The following CCDC141 variants were observed in gnomAD, a reference collection of about 807,000 sequenced individuals.
The protein encoded by CCDC141 is coiled-coil domain containing 141.
In CCDC141, 168 loss-of-function variants were observed where a neutral mutation model predicts 181.0. The ratio of observed to expected loss-of-function variants is 0.93; its 90% confidence interval spans 0.82 to 1.05. The LOEUF (loss-of-function observed/expected upper bound fraction) is 1.05. Among genes scored for constraint, CCDC141 ranks in the 50% least tolerant of loss-of-function variants. The pLI, the probability that CCDC141 is intolerant of heterozygous loss-of-function variation, is 0.00. For missense variants in CCDC141, 1,902 were observed against 1,788.5 expected (o/e 1.06, Z -1.14); for synonymous variants, 666 against 642.3 (o/e 1.04, Z -0.56).
chr2:179,022,444 G>A (rs565629117), intron 2 of CCDC141, among the ~76,000 whole-genome samples: 3 of 152,280 alleles, frequency 2.0e-5, no homozygotes, highest in Admixed American at 1.3e-4. Context: ...AGCCAAAGCC[G>A]AGGAAAGAGG....
chr2:178,858,116 C>G (rs973949416), intron 17 of CCDC141, among the ~76,000 whole-genome samples: 1 of 151,884 alleles, frequency 6.6e-6, no homozygotes, highest in Non-Finnish European at 1.5e-5. Flanking sequence ...ACAAACTAAA[C>G]CAAGCATAGA....
intron 9 of CCDC141, among the ~76,000 whole-genome samples, chr2:178,887,796 T>A (rs188132382): frequency 3.3e-5 from 5 of 152,378 alleles, no homozygotes; most frequent in Non-Finnish European, 1.5e-5. Flanking sequence ...AAGTCCACCG[T>A]ATCAAACGAA....
chr2:178,894,546 G>T lies in CCDC141; in HGVS notation c.1266-5878C>A, dbSNP rs537420392. Among the ~76,000 whole-genome samples the T allele has an allele frequency of 3.3e-5, 5 of 151,390 alleles. No homozygotes were observed. In the South Asian group the frequency reaches 8.4e-4, roughly 25 times the overall value. On this transcript the variant is annotated intron_variant, in intron 8 of 23. Transcript: ENST00000443758. ...CCCAACACCCACAATAAAAGACCAA[G>T]AAACTTTGAAACAAAAAGTCAGAAA...
Position 178,871,532 on chromosome 2 carries a change from A to T in CCDC141, c.2100T>A (p.Leu700=). 1 of 1,613,600 alleles carries T rather than the reference A, an allele frequency of 6.2e-7. No homozygotes were observed. Among genetic ancestry groups the T allele is most frequent in the Non-Finnish European group, 8.5e-7 (1 of 1,179,800 alleles). ...QLKKTSHNLK[L]LQEALMPVSA... ...ACACAGGCATAAGTGCTTCCTGAAG[A>T]AGTTTTAAGTTGTGAGAAGTCTGAA... Residue 700 remains leucine, a synonymous_variant, in exon 14 of 24, where the codon CTT becomes CTA. Transcript: ENST00000443758.
intron 2 of CCDC141, among the ~76,000 whole-genome samples, chr2:178,985,100 A>G (rs1336424787): frequency 2.0e-5 from 3 of 151,460 alleles, no homozygotes; most frequent in African/African-American, 2.4e-5. Flanking sequence ...AAAGAACAGA[A>G]ATTATAACAA....
chr2:178,834,305 G>A lies in CCDC141; in HGVS notation c.4461C>T (p.Ser1487=), dbSNP rs551674463. The A allele has an allele frequency of 6.9e-5, 106 of 1,535,930 alleles. No individual in the cohort carries two copies. The highest frequency in any genetic ancestry group is 8.5e-5 in the Non-Finnish European group (97 of 1,146,838). Residue 1487 remains serine (S), a synonymous_variant, in exon 24 of 24, where the codon AGC becomes AGT. Coordinates refer to ENST00000443758, the MANE Select transcript of CCDC141 (RefSeq NM_173648.4). ...GLYVARAQNS[S]GALSSNVILH... is the part of the protein sequence containing the mutation. ...GGATGACATTGGAAGAGAGAGCGCCGCTAGAGTTTTGGGCCCGAGCCACAT... is the reference window on the plus strand; with the variant it reads ...GGATGACATTGGAAGAGAGAGCGCCACTAGAGTTTTGGGCCCGAGCCACAT...
intron 7 of CCDC141, among the ~76,000 whole-genome samples, chr2:178,917,327 CTT>C (rs1688496746): frequency 6.6e-6 from 1 of 152,186 alleles, no homozygotes; most frequent in African/African-American, 2.4e-5. Flanking sequence ...TGTTTCCTCT[CTT>C]AAAGAAATCC....
At chr2:179,011,287 T>C (rs546473261) in intron 2 of CCDC141, among the ~76,000 whole-genome samples, 92 of 152,276 alleles carry the variant, frequency 6.0e-4, no homozygotes, top group African/African-American at 2.1e-3. Flanking sequence ...AGGCATTTCA[T>C]GCAAATGGAC....
Position 178,855,334 on chromosome 2 carries a change from A to G in CCDC141, c.3060+13T>C. ...AACATTACAACATGGATACCACTGCAAAAAGAGAATACCTCTTCTATCACC... is the reference window on the plus strand; with the variant it reads ...AACATTACAACATGGATACCACTGCGAAAAGAGAATACCTCTTCTATCACC... On this transcript the variant is annotated intron_variant, in intron 19 of 23. Transcript: ENST00000443758. The G allele has an allele frequency of 2.5e-6, 4 of 1,597,676 alleles. No individual in the cohort carries two copies. The highest frequency in any genetic ancestry group is 3.4e-6 in the Non-Finnish European group (4 of 1,174,588).
chr2:178,992,106 G>T (rs1362235893), intron 2 of CCDC141, among the ~76,000 whole-genome samples: 1 of 151,640 alleles, frequency 6.6e-6, no homozygotes, highest in Non-Finnish European at 1.5e-5. Flanking sequence ...GTAGAAATTT[G>T]GATGTTTCCA....
intron 9 of CCDC141, among the ~76,000 whole-genome samples, chr2:178,887,563 T>TTCCACTGC (rs542902113): frequency 8.3e-4 from 127 of 152,302 alleles, no homozygotes; most frequent in African/African-American, 2.9e-3. Context: ...GGTCCTACTG[T>TTCCACTGC]TCCACTGCCA....
chr2:179,015,105 A>ATATATATACATATATATAT (rs2042417344), intron 2 of CCDC141, among the ~76,000 whole-genome samples: 6 of 21,352 alleles, frequency 2.8e-4, no homozygotes, highest in African/African-American at 3.3e-4. Flanking sequence ...TATATATATA[A>ATATATATACATATATATAT]TATATATATA....
At chr2:178,889,556 A>T (rs1687049668) in intron 8 of CCDC141, among the ~76,000 whole-genome samples, 1 of 152,246 alleles carries the variant, frequency 6.6e-6, no homozygotes, top group Non-Finnish European at 1.5e-5. Flanking sequence ...AACAAGGTAC[A>T]GGTTTCAGTC....
intron 2 of CCDC141, among the ~76,000 whole-genome samples, chr2:179,043,832 A>G (rs1475524139): frequency 6.6e-6 from 1 of 152,182 alleles, no homozygotes; most frequent in Non-Finnish European, 1.5e-5. Flanking sequence ...AAGAGAAACA[A>G]ATGAATAGGA....
At chr2:178,977,130 T>C (rs1691156397) in intron 3 of CCDC141, among the ~76,000 whole-genome samples, 1 of 152,060 alleles carries the variant, frequency 6.6e-6, no homozygotes, top group Non-Finnish European at 1.5e-5. Context: ...AAAAAATAAT[T>C]AGTCTTTTCA....
chr2:178,873,820 G>A (rs750913964), intron 12 of CCDC141: 9 of 152,108 alleles, frequency 5.9e-5, no homozygotes, highest in East Asian at 1.9e-4. Flanking sequence ...TTCATTTTTC[G>A]TTTATATTCA....
chr2:178,872,066 A>G, intron 13 of CCDC141, 67 bp downstream of exon 13: 1 of 1,484,080 alleles, frequency 6.7e-7, no homozygotes. Flanking sequence ...AGTGTTTTCA[A>G]GGTTCGCTCA....
chr2:178,967,557 A>G (rs1690695994), intron 4 of CCDC141, among the ~76,000 whole-genome samples: 1 of 152,204 alleles, frequency 6.6e-6, no homozygotes, highest in African/African-American at 2.4e-5. Flanking sequence ...TTTTGTCACC[A>G]CCAGGCCTGC....
At chr2:178,961,052 T>G (rs1333485498) in intron 5 of CCDC141, among the ~76,000 whole-genome samples, 178 bp downstream of exon 5, 4 of 152,202 alleles carry the variant, frequency 2.6e-5, no homozygotes, top group Admixed American at 6.5e-5. Context: ...AAAATGCATA[T>G]ATTTGTTTTT....
Sources: allele counts gnomAD v4.1 joint callset (sites outside exome capture counted in the v4.1 genomes callset), GRCh38; gene constraint gnomAD v4.1.1; transcripts MANE v1.5; gene names NCBI Gene and HGNC (gene_info 2026-07-23, HGNC 2026-07-21).